Variants in PCSK6 observed in about 807,000 individuals in gnomAD.
PCSK6 encodes the protein paired basic amino acid cleaving enzyme 4.
PCSK6 carries 85 observed loss-of-function variants against 123.3 expected under a neutral mutation model. That is an observed-to-expected ratio of 0.69 (90% CI 0.58 to 0.83). PCSK6 has a LOEUF of 0.83. PCSK6 is among the 40% of genes least tolerant of loss of function. The pLI is 0.00. For synonymous variants in PCSK6, 508 were observed against 516.0 expected (o/e 0.98, Z 0.21); for missense variants, 1,191 against 1,282.3 (o/e 0.93, Z 1.09).
At chr15:101,477,691 G>C (rs999056083) in intron 1 of PCSK6, among the ~76,000 whole-genome samples, 1 of 152,202 alleles carries the variant, frequency 6.6e-6, no homozygotes, top group African/African-American at 2.4e-5. Flanking sequence ...AGTGTAAACA[G>C]TCTTATAACC....
At chr15:101,482,022 TGGACA>T (rs1567258584) in intron 1 of PCSK6, among the ~76,000 whole-genome samples, 1 of 152,150 alleles carries the variant, frequency 6.6e-6, no homozygotes, top group Non-Finnish European at 1.5e-5. Flanking sequence ...ACGCACCCGG[TGGACA>T]GAGGGAGAAA....
chr15:101,431,820 C>T (rs903915556), intron 3 of PCSK6, among the ~76,000 whole-genome samples, 170 bp downstream of exon 3: 2 of 152,198 alleles, frequency 1.3e-5, no homozygotes, highest in African/African-American at 4.8e-5. Context: ...AAAAAATCCA[C>T]AGGAAAGCCG....
intron 2 of PCSK6, among the ~76,000 whole-genome samples, chr15:101,442,343 C>T (rs1372566252): frequency 6.6e-6 from 1 of 152,188 alleles, no homozygotes; most frequent in African/African-American, 2.4e-5. Context: ...CATCCATCCA[C>T]CCACCTATAA....
intron 5 of PCSK6, among the ~76,000 whole-genome samples, chr15:101,429,006 G>T (rs1267217180): frequency 6.6e-6 from 1 of 152,240 alleles, no homozygotes; most frequent in East Asian, 1.9e-4. Flanking sequence ...GAGCTCTGCA[G>T]CCTGCTGTGT....
rs766021286 is a variant in PCSK6, at chr15:101,398,517, T to C, written c.883A>G (p.Arg295Gly). Residue 295 changes from arginine to glycine, a missense_variant, in exon 7 of 22, where the codon AGA (arginine) becomes GGA (glycine). By Grantham distance (125) the Arg-to-Gly change is moderately radical. Around this residue, in one of 3 missense-constraint regions of PCSK6, gnomAD observed 357 missense variants for 484.5 expected, o/e 0.74. Coordinates refer to ENST00000611716, the MANE Select transcript of PCSK6 (RefSeq NM_002570.5). The surrounding 1 kb of genome is among the most constrained non-coding windows in gnomAD (Gnocchi z 4.6). ...DVVEAKSLGI[R>G]PNYIDIYSAS... ...CTGTAAATGTCGATGTAGTTGGGTC[T>C]GATGCCCAGCGACTTTGCCTCGACC... The C allele has an allele frequency of 9.3e-6, 15 of 1,613,906 alleles. No individual in the cohort carries two copies. Among genetic ancestry groups the C allele is most frequent in the Non-Finnish European group, 1.3e-5 (15 of 1,179,806 alleles).
At position 101,467,606 on chromosome 15, in the gene PCSK6, C is replaced by A. The variant is rs572336993; in HGVS notation, c.297+21768G>T. ...TTCTTAAAAAAGAATTACAAACATG[C>A]CAGGAGAATGGACAGATACATTGAG... On this transcript the variant is annotated intron_variant, in intron 1 of 21. Coordinates refer to ENST00000611716, the MANE Select transcript of PCSK6 (RefSeq NM_002570.5). Among the ~76,000 whole-genome samples the A allele has an allele frequency of 5.9e-5, 9 of 152,296 alleles. No homozygotes were observed. In the East Asian group the frequency reaches 7.7e-4, roughly 13 times the overall value.
chr15:101,441,916 T>A (rs1285373194), intron 2 of PCSK6, among the ~76,000 whole-genome samples: 1 of 152,158 alleles, frequency 6.6e-6, no homozygotes, highest in Non-Finnish European at 1.5e-5. Flanking sequence ...TAGCTTAGAA[T>A]TTCCTCCAAG....
At position 101,485,957 on chromosome 15, in the gene PCSK6, ATT is replaced by A. The variant is rs11303524; in HGVS notation, c.297+3415_297+3416del. 6.9e-3 allele frequency among the ~76,000 whole-genome samples: 804 copies of A among 116,052 alleles called. 2 individuals are homozygous for A. The highest frequency in any genetic ancestry group is 0.023 in the African/African-American group (689 of 30,152). 76.1% of individuals were successfully genotyped at this position (116,052 alleles called of 152,430 possible). On this transcript the variant is annotated intron_variant, in intron 1 of 21. Transcript: ENST00000611716. ...ACAACGCATCTCTCCATTTATTTAA[ATT>A]TTTTTTTTTTTTTTTTTTTTTGAGA...
At chr15:101,415,479 C>T (rs1355795929) in intron 6 of PCSK6, among the ~76,000 whole-genome samples, 2 of 152,230 alleles carry the variant, frequency 1.3e-5, no homozygotes, top group Admixed American at 6.5e-5. Flanking sequence ...TAAATGTTTA[C>T]TCAAGTTTTC....
chr15:101,332,781 C>A (rs568498959), intron 13 of PCSK6, among the ~76,000 whole-genome samples: 3 of 152,136 alleles, frequency 2.0e-5, no homozygotes, highest in Non-Finnish European at 2.9e-5. Flanking sequence ...GCTGGGGTCC[C>A]GCCCCACCGA....
intron 13 of PCSK6, among the ~76,000 whole-genome samples, chr15:101,360,435 C>T (rs188430639): frequency 9.9e-4 from 150 of 152,254 alleles, no homozygotes; most frequent in Non-Finnish European, 1.4e-3. Flanking sequence ...TCCCACTGCC[C>T]CCTGCAGCCT....
At chr15:101,392,851 G>A (rs917549964) in intron 8 of PCSK6, among the ~76,000 whole-genome samples, 2 of 152,096 alleles carry the variant, frequency 1.3e-5, no homozygotes, top group African/African-American at 2.4e-5. Flanking sequence ...TGTTGTACAC[G>A]CTGGAACTGG....
intron 7 of PCSK6, among the ~76,000 whole-genome samples, chr15:101,393,809 C>T (rs2042311768): frequency 6.6e-6 from 1 of 152,168 alleles, no homozygotes. Context: ...ACTGAGATTA[C>T]AGATGATGGA....
At position 101,369,270 on chromosome 15, in the gene PCSK6, C is replaced by T. The variant is rs192453496; in HGVS notation, c.1721+1065G>A. Among the ~76,000 whole-genome samples, 560 of 152,370 alleles carry T rather than the reference C, an allele frequency of 3.7e-3. 3 individuals carry two copies. Among genetic ancestry groups the T allele is most frequent in the Non-Finnish European group, 4.0e-3 (274 of 68,026 alleles). ...TTGCATTGCTGCTGAGTCAATTACC[C>T]TGTCTCATACAAAGTGGTGGGGAGG... On this transcript the variant is annotated intron_variant, in intron 12 of 21. Coordinates refer to ENST00000611716, the MANE Select transcript of PCSK6 (RefSeq NM_002570.5).
chr15:101,382,722 G>A (rs1485948397), intron 10 of PCSK6, among the ~76,000 whole-genome samples: 2 of 152,282 alleles, frequency 1.3e-5, no homozygotes, highest in East Asian at 3.9e-4. Flanking sequence ...ACAGAGACAG[G>A]CTTGCGAACT....
chr15:101,399,940 C>T (rs547196563), intron 6 of PCSK6, among the ~76,000 whole-genome samples: 8 of 152,294 alleles, frequency 5.3e-5, no homozygotes, highest in African/African-American at 1.9e-4. Context: ...GAAAAGAGGA[C>T]TTCTTCTGAT....
intron 20 of PCSK6, 72 bp from the exon 21 acceptor site, chr15:101,307,397 C>G: frequency 9.4e-7 from 1 of 1,066,738 alleles, no homozygotes; most frequent in East Asian, 2.6e-5. Context: ...TTCCCAGAAC[C>G]CTCACCTCCC....
In PCSK6 at chr15:101,459,793, G is replaced by A. The variant is rs553257167; in HGVS notation, c.298-16133C>T. On this transcript the variant is annotated intron_variant, in intron 1 of 21. Coordinates refer to ENST00000611716, the MANE Select transcript of PCSK6 (RefSeq NM_002570.5). ...GTCCTCCATCCATGCGCCTGCCACC[G>A]GGTCCTCCAACACCCTCAGTCCCTT... Among the ~76,000 whole-genome samples the A allele has an allele frequency of 2.2e-4, 34 of 151,664 alleles. 1 individual carries two copies. The South Asian group carries it at 5.9e-3, about 26-fold the overall frequency.
rs142560953 is a variant in PCSK6, at chr15:101,318,098, T to C, written c.2569+221A>G. ...TTGCCAGCATCTATCCTTAGAACAA[T>C]TGTCATTTCTCAAGTTGAGACTCTG... On this transcript the variant is annotated intron_variant, in intron 19 of 21. Transcript: ENST00000611716. 1.2e-3 allele frequency among the ~76,000 whole-genome samples: 183 copies of C among 152,346 alleles called. 2 individuals are homozygous for C. Among genetic ancestry groups the C allele is most frequent in the African/African-American group, 4.1e-3 (170 of 41,594 alleles).
Sources: gnomAD v4.1 joint callset for allele counts (sites outside exome capture counted in the v4.1 genomes callset) on GRCh38, gnomAD v4.1.1 for gene constraint, gnomAD v4.1.1 regional missense constraint, Gnocchi (gnomAD v3.1) non-coding constraint, MANE v1.5 for transcripts, NCBI Gene and HGNC (gene_info 2026-07-23, HGNC 2026-07-21) for gene names.